USP44: variants seen among roughly 807,000 people sequenced by gnomAD.
USP44 encodes the protein ubiquitin specific peptidase 44, also known as ubiquitin carboxyl-terminal hydrolase 44.
USP44 carries 61 observed loss-of-function variants against 69.0 expected under a neutral mutation model. The ratio of observed to expected loss-of-function variants is 0.88; its 90% CI spans 0.72 to 1.09. USP44 has a LOEUF of 1.09. Among genes scored for constraint, USP44 ranks in the 50% least tolerant of loss-of-function variants. The probability of loss-of-function intolerance (pLI) is 0.00; values close to 1 mark genes in which losing one functional copy is unlikely to be tolerated. For missense variants in USP44, 753 were observed against 849.9 expected (o/e 0.89, Z 1.42); for synonymous variants, 297 against 295.4 (o/e 1.01, Z -0.06).
At chr12:95,543,267 G>T (rs539543756) in intron 1 of USP44, among the ~76,000 whole-genome samples, 15 of 151,182 alleles carry the variant, frequency 9.9e-5, no homozygotes, top group Non-Finnish European at 1.9e-4. Context: ...CGGGCGTGGT[G>T]GCACGCATCT....
At chr12:95,532,694 T>C (rs1405812761) in intron 2 of USP44, 135 bp downstream of exon 2, 5 of 711,274 alleles carry the variant, frequency 7.0e-6, no homozygotes, top group Non-Finnish European at 1.1e-5. Flanking sequence ...TCTCTATACA[T>C]ATTTATAAAA....
rs1331115215 is a variant in USP44 at position 95,518,070 on chromosome 12, G to GA, written c.*83dup. 83 of 1,467,494 alleles carry GA rather than the reference G, an allele frequency of 5.7e-5. No homozygotes were observed. The highest frequency in any genetic ancestry group is 7.4e-5 in the Non-Finnish European group (80 of 1,074,234). The allele number at this position is 1,467,494 out of a possible 1,614,324, so 90.9% of individuals were successfully genotyped here. On this transcript the variant is annotated 3_prime_UTR_variant, in exon 6 of 6. Transcript: ENST00000258499. Reference sequence around the variant, plus strand: ...AAATGTAGTATACACTGATTCACAAGAAAAAATGAAGTTTAAAATGGTACA... The same window carrying GA: ...AAATGTAGTATACACTGATTCACAAGAAAAAAATGAAGTTTAAAATGGTACA...
chr12:95,550,734 G>A (rs2077710166), intron 1 of USP44, among the ~76,000 whole-genome samples: 1 of 151,902 alleles, frequency 6.6e-6, no homozygotes, highest in Admixed American at 6.6e-5. Context: ...GTAATTGGGC[G>A]GGGTCTTTTA....
chr12:95,527,836 C>CTTCTTTT, intron 3 of USP44, among the ~76,000 whole-genome samples: 1 of 54,856 alleles, frequency 1.8e-5, no homozygotes, highest in Non-Finnish European at 3.2e-5. Flanking sequence ...GAGGAAGATG[C>CTTCTTTT]TTTTTTTTTT....
intron 5 of USP44, among the ~76,000 whole-genome samples, chr12:95,519,997 G>A (rs1214592946): frequency 1.1e-5 from 1 of 94,838 alleles, no homozygotes; most frequent in Non-Finnish European, 1.8e-5. Context: ...GAAAGAGTGA[G>A]ACTCTGTCTC....
Position 95,533,042 on chromosome 12 carries a change from C to G in USP44, c.1215G>C (p.Met405Ile), listed in dbSNP as rs2077072784. ...GAATGAGTCTCCACACTGAGTGTAG[C>G]ATAGCAAATGGTGAGACCAACGCCC... ...GKWALVSPFA[M>I]LHSVWRLIPA... is the part of the protein sequence containing the mutation. Residue 405 changes from methionine to isoleucine, a missense_variant, in exon 2 of 6, where the codon ATG becomes ATC. Physicochemically the swap from Met to Ile is conservative, Grantham distance 10. Transcript: ENST00000258499. The G allele has an allele frequency of 6.2e-7, 1 of 1,614,102 alleles. No individual in the cohort carries two copies. Among genetic ancestry groups the G allele is most frequent in the Non-Finnish European group, 8.5e-7 (1 of 1,180,042 alleles).
At chr12:95,542,714 G>A (rs549660779) in intron 1 of USP44, among the ~76,000 whole-genome samples, 34 of 149,902 alleles carry the variant, frequency 2.3e-4, no homozygotes, top group Admixed American at 1.1e-3. Flanking sequence ...GTGAGCCACT[G>A]CACTCCAGCC....
At chr12:95,530,300 A>G (rs2076977412) in intron 2 of USP44, among the ~76,000 whole-genome samples, 1 of 152,170 alleles carries the variant, frequency 6.6e-6, no homozygotes, top group African/African-American at 2.4e-5. Flanking sequence ...AAACAAAAAA[A>G]ACAAAAACAA....
At position 95,521,076 on chromosome 12, in the gene USP44, GTCATAGATAAAGCAT is replaced by G. The variant is rs767401824; in HGVS notation, c.1845_1859del (p.Glu615_Tyr619del). ...CATGGTGCATCACCACCGCGGACAA[GTCATAGATAAAGCAT>G]TCTGGTCTGAGGGATTTCAGGGTCT... On this transcript the variant is annotated inframe_deletion, in exon 5 of 6. Transcript: ENST00000258499. 1 of 1,614,188 alleles carries G rather than the reference GTCATAGATAAAGCAT, an allele frequency of 6.2e-7. No individual in the cohort carries two copies. The highest frequency in any genetic ancestry group is 2.2e-5 in the East Asian group (1 of 44,876).
At chr12:95,549,847 G>C (rs969243933) in intron 1 of USP44, among the ~76,000 whole-genome samples, 1 of 152,040 alleles carries the variant, frequency 6.6e-6, no homozygotes, top group Non-Finnish European at 1.5e-5. Context: ...AAGAAGGAGC[G>C]GCACAGGATT....
In USP44 at chr12:95,548,067, T is replaced by C. The variant is rs1011509908; in HGVS notation, c.-71+3205A>G. 2.0e-5 allele frequency: 3 copies of C among 152,346 alleles called. No individual in the cohort carries two copies. Among genetic ancestry groups the C allele is most frequent in the East Asian group, 1.9e-4 (1 of 5,178 alleles). The allele number at this position is 152,346 out of a possible 1,614,324, so 9.4% of individuals were successfully genotyped here. ...ATCCCCCATAATGAATTCAGCCATA[T>C]GGCATTCTTTCCCATCGAAGGCCAT... On this transcript the variant is annotated intron_variant, in intron 1 of 5. Coordinates refer to ENST00000258499, the MANE Select transcript of USP44 (RefSeq NM_032147.5). This position sits in a 1 kb window ranked among gnomAD's most constrained non-coding sequence, Gnocchi z 4.1.
chr12:95,543,966 CAAAAAAAAAAA>C (rs760105964), intron 1 of USP44, among the ~76,000 whole-genome samples: 2 of 47,682 alleles, frequency 4.2e-5, no homozygotes, highest in Non-Finnish European at 7.6e-5. Flanking sequence ...GACTGCATCT[CAAAAAAAAAAA>C]AAAAAAAAAA....
chr12:95,535,214 T>C (rs901707889), intron 1 of USP44, among the ~76,000 whole-genome samples: 1 of 152,222 alleles, frequency 6.6e-6, no homozygotes, highest in Non-Finnish European at 1.5e-5. Context: ...TCATACCAAC[T>C]TCAATTGAGT....
At chr12:95,541,592 CA>C (rs1047348748) in intron 1 of USP44, among the ~76,000 whole-genome samples, 1 of 151,552 alleles carries the variant, frequency 6.6e-6, no homozygotes, top group Admixed American at 6.6e-5. Flanking sequence ...AAAAACAAAA[CA>C]AAAAAAAGTA....
intron 5 of USP44, among the ~76,000 whole-genome samples, chr12:95,520,795 T>C (rs577088424): frequency 1.3e-5 from 2 of 152,306 alleles, no homozygotes; most frequent in South Asian, 4.1e-4. Context: ...CTCCAGCCCT[T>C]AGTCAAAAGT....
At chr12:95,529,799 T>G (rs918929063) in intron 2 of USP44, among the ~76,000 whole-genome samples, 12 of 152,142 alleles carry the variant, frequency 7.9e-5, no homozygotes, top group African/African-American at 2.9e-4. Flanking sequence ...TTAACCATAT[T>G]ACAAGTAAAA....
chr12:95,525,399 T>C lies in USP44; in HGVS notation c.1625-611A>G, dbSNP rs185174901. On this transcript the variant is annotated intron_variant, in intron 3 of 5. Transcript: ENST00000258499. ...TAATATTTTTAAATGGAACTGGCTA[T>C]ACCAATTAATAGGAAAAGTTACAAC... Among the ~76,000 whole-genome samples the C allele has an allele frequency of 4.3e-3, 648 of 152,294 alleles. 3 individuals are homozygous for C. The highest frequency in any genetic ancestry group is 7.0e-3 in the Non-Finnish European group (475 of 68,026).
At chr12:95,538,358 A>C (rs1436911206) in intron 1 of USP44, among the ~76,000 whole-genome samples, 1 of 152,120 alleles carries the variant, frequency 6.6e-6, no homozygotes, top group Non-Finnish European at 1.5e-5. Flanking sequence ...TTAGCTGCCA[A>C]TAGTAATAAA....
intron 1 of USP44, among the ~76,000 whole-genome samples, chr12:95,543,187 G>C (rs1340078572): frequency 1.3e-5 from 2 of 151,540 alleles, no homozygotes; most frequent in East Asian, 3.9e-4. Context: ...GATCACTTGA[G>C]GTCAGGAGTT....
Sources: gnomAD v4.1 joint callset for allele counts (sites outside exome capture counted in the v4.1 genomes callset) on GRCh38, gnomAD v4.1.1 for gene constraint, Gnocchi (gnomAD v3.1) non-coding constraint, MANE v1.5 for transcripts, NCBI Gene and HGNC (gene_info 2026-07-23, HGNC 2026-07-21) for gene names.